Variants in MTUS2 observed in about 807,000 individuals in gnomAD.
MTUS2 encodes microtubule-associated tumor suppressor candidate 2.
A neutral mutation model predicts 114.1 loss-of-function variants in MTUS2; 40 were observed. The observed-to-expected ratio is 0.35, with a 90% CI of 0.27 to 0.46. The LOEUF (loss-of-function observed/expected upper bound fraction) is 0.46. Among genes scored for constraint, MTUS2 ranks in the 20% least tolerant of loss-of-function variants. MTUS2 has a pLI of 1.00. For synonymous variants in MTUS2, 688 were observed against 672.0 expected (o/e 1.02, Z -0.37); for missense variants, 1,679 against 1,705.4 (o/e 0.98, Z 0.27).
intron 2 of MTUS2, among the ~76,000 whole-genome samples, chr13:29,004,818 A>T (rs1046986287): frequency 6.6e-6 from 1 of 152,200 alleles, no homozygotes; most frequent in African/African-American, 2.4e-5. Flanking sequence ...TCCTCGTCTG[A>T]AGGAGCTGGA....
chr13:29,494,001 C>T (rs577446823), intron 12 of MTUS2, among the ~76,000 whole-genome samples: 9 of 152,318 alleles, frequency 5.9e-5, no homozygotes, highest in African/African-American at 1.4e-4. Flanking sequence ...CTACAGGCAC[C>T]TGGAGAAACA....
intron 8 of MTUS2, among the ~76,000 whole-genome samples, chr13:29,365,407 G>A (rs59196378): frequency 0.2 from 29,946 of 151,960 alleles, 3,119 homozygotes; most frequent in Middle Eastern, 0.25. Flanking sequence ...TCACAATAAG[G>A]TGCAATAAGA....
At chr13:28,957,881 C>T (rs973408308) in intron 2 of MTUS2, among the ~76,000 whole-genome samples, 25 of 152,208 alleles carry the variant, frequency 1.6e-4, no homozygotes, top group African/African-American at 5.8e-4. Flanking sequence ...GTTCTATTTG[C>T]TATGGAATTC....
intron 2 of MTUS2, among the ~76,000 whole-genome samples, chr13:28,916,491 T>C (rs1459610071): frequency 6.6e-6 from 1 of 151,878 alleles, no homozygotes; most frequent in African/African-American, 2.4e-5. Context: ...TTTTATAGTT[T>C]TTATTGTAGA....
intron 2 of MTUS2, among the ~76,000 whole-genome samples, chr13:29,007,486 T>C (rs975553364): frequency 6.6e-6 from 1 of 152,230 alleles, no homozygotes; most frequent in African/African-American, 2.4e-5. Flanking sequence ...TTACTAAACA[T>C]ATCCCTTTCT....
chr13:29,117,619 G>A (rs1480501212), intron 5 of MTUS2, among the ~76,000 whole-genome samples: 2 of 152,134 alleles, frequency 1.3e-5, no homozygotes, highest in Non-Finnish European at 2.9e-5. Context: ...CAAATAAGTG[G>A]GACAGGAAAG....
intron 9 of MTUS2, among the ~76,000 whole-genome samples, chr13:29,443,436 T>C (rs1017844582): frequency 4.6e-5 from 7 of 152,180 alleles, no homozygotes; most frequent in African/African-American, 1.7e-4. Context: ...AGGATTACAT[T>C]GAGTTTTGGG....
intron 5 of MTUS2, among the ~76,000 whole-genome samples, chr13:29,191,908 CT>C (rs1378967246): frequency 1.3e-5 from 2 of 152,176 alleles, no homozygotes; most frequent in Non-Finnish European, 2.9e-5. Context: ...TAAAATCAGA[CT>C]TTGTACAGCA....
At chr13:29,324,952 G>C (rs1208269714) in intron 7 of MTUS2, among the ~76,000 whole-genome samples, 3 of 152,140 alleles carry the variant, frequency 2.0e-5, no homozygotes, top group Non-Finnish European at 4.4e-5. Context: ...CTGTGTAGGG[G>C]TATCTGCCAT....
intron 8 of MTUS2, among the ~76,000 whole-genome samples, chr13:29,381,011 G>T (rs1872160885): frequency 6.6e-6 from 1 of 151,842 alleles, no homozygotes; most frequent in Admixed American, 6.6e-5. Context: ...GCTTGTGCAT[G>T]CCCCTCTAGG....
chr13:29,204,723 G>A lies in MTUS2; in HGVS notation c.2645-76981G>A, dbSNP rs550597930. On this transcript the variant is annotated intron_variant, in intron 5 of 15. Transcript: ENST00000612955. ...CGCCCATGACAGCAGTGTAGTAGTC[G>A]GAACGTTCCCTTAGAAATTCAGCTT... 2.8e-4 allele frequency among the ~76,000 whole-genome samples: 43 copies of A among 152,300 alleles called. 1 individual carries two copies. The highest frequency in any genetic ancestry group is 3.4e-3 in the Middle Eastern group (1 of 294).
chr13:29,200,796 A>G (rs1894923249), intron 5 of MTUS2, among the ~76,000 whole-genome samples: 2 of 152,146 alleles, frequency 1.3e-5, no homozygotes, highest in South Asian at 2.1e-4. Context: ...CAGAGATTAC[A>G]AGCGTGAGCC....
At chr13:29,467,434 T>A (rs1267700950) in intron 9 of MTUS2, among the ~76,000 whole-genome samples, 1 of 152,208 alleles carries the variant, frequency 6.6e-6, no homozygotes, top group Non-Finnish European at 1.5e-5. Context: ...TTATCTGGCC[T>A]TTCCACTGCC....
chr13:29,112,074 A>G (rs796119043), intron 5 of MTUS2, among the ~76,000 whole-genome samples: 3 of 152,316 alleles, frequency 2.0e-5, no homozygotes, highest in African/African-American at 4.8e-5. Flanking sequence ...CCACAGCAGC[A>G]TACTTCCCTT....
At chr13:29,455,704 G>A (rs1018229013) in intron 9 of MTUS2, among the ~76,000 whole-genome samples, 3 of 152,300 alleles carry the variant, frequency 2.0e-5, no homozygotes, top group African/African-American at 7.2e-5. Flanking sequence ...TTGAGGGTCA[G>A]GTATGTTAGC....
chr13:28,962,101 G>A (rs770278124), intron 2 of MTUS2, among the ~76,000 whole-genome samples: 7 of 151,240 alleles, frequency 4.6e-5, no homozygotes, highest in Non-Finnish European at 1.0e-4. Context: ...CATATAAAAT[G>A]AAGATATTTA....
At chr13:29,020,818 C>T (rs1037663220) in intron 2 of MTUS2, among the ~76,000 whole-genome samples, 10 of 148,458 alleles carry the variant, frequency 6.7e-5, no homozygotes, top group African/African-American at 2.3e-4. Flanking sequence ...GTTACCTTCT[C>T]TGTGCTTTCA....
intron 6 of MTUS2, among the ~76,000 whole-genome samples, chr13:29,288,534 A>G (rs4357794): frequency 0.013 from 1,990 of 152,284 alleles, 48 homozygotes; most frequent in African/African-American, 0.045. Flanking sequence ...GTGTATAGAA[A>G]TGTCAAGAAA....
At chr13:29,155,584 C>T (rs1892825070) in intron 5 of MTUS2, among the ~76,000 whole-genome samples, 1 of 152,084 alleles carries the variant, frequency 6.6e-6, no homozygotes, top group South Asian at 2.1e-4. Context: ...CTAAGATGTG[C>T]TCTAATACCC....
Sources: allele counts gnomAD v4.1 joint callset (sites outside exome capture counted in the v4.1 genomes callset), GRCh38; gene constraint gnomAD v4.1.1; transcripts MANE v1.5; gene names NCBI Gene and HGNC (gene_info 2026-07-23, HGNC 2026-07-21).